Variants in ME1 observed in about 807,000 individuals in gnomAD.
ME1 encodes the protein NADP-dependent malic enzyme.
ME1 carries 74 observed loss-of-function variants against 66.4 expected under a neutral mutation model. That is an observed-to-expected ratio of 1.11 (90% CI 0.92 to 1.35). The LOEUF is 1.35. Ranked by LOEUF, ME1 falls within the 40% of genes most tolerant of loss-of-function variation. ME1 has a pLI of 0.00. For missense variants in ME1, 750 were observed against 694.1 expected (o/e 1.08, Z -0.90); for synonymous variants, 251 against 235.6 (o/e 1.07, Z -0.60).
At chr6:83,374,551 G>T (rs888566804) in intron 3 of ME1, among the ~76,000 whole-genome samples, 1 of 152,156 alleles carries the variant, frequency 6.6e-6, no homozygotes, top group Non-Finnish European at 1.5e-5. Context: ...GAGGTTGCCT[G>T]TTCATTCTGA....
intron 12 of ME1, among the ~76,000 whole-genome samples, chr6:83,220,906 A>G (rs543173546): frequency 6.6e-6 from 1 of 152,338 alleles, no homozygotes; most frequent in South Asian, 2.1e-4. Flanking sequence ...CATGCCTATA[A>G]TCCCAGCACT....
chr6:83,312,399 C>T (rs1403442541), intron 6 of ME1, among the ~76,000 whole-genome samples: 3 of 152,276 alleles, frequency 2.0e-5, no homozygotes, highest in South Asian at 2.1e-4. Context: ...TCAGAAAAGA[C>T]AGACTTGGTA....
At chr6:83,308,386 T>G (rs1767863827) in intron 6 of ME1, among the ~76,000 whole-genome samples, 1 of 151,670 alleles carries the variant, frequency 6.6e-6, no homozygotes, top group African/African-American at 2.4e-5. Flanking sequence ...TAGTTAATAA[T>G]CATTAATGAA....
chr6:83,366,453 C>A (rs1427048763), intron 3 of ME1, among the ~76,000 whole-genome samples: 1 of 151,714 alleles, frequency 6.6e-6, no homozygotes, highest in Non-Finnish European at 1.5e-5. Flanking sequence ...CTCTTGAAGT[C>A]AGGAATTTTG....
At chr6:83,401,619 C>T (rs929433146) in intron 2 of ME1, among the ~76,000 whole-genome samples, 4 of 152,308 alleles carry the variant, frequency 2.6e-5, no homozygotes, top group Non-Finnish European at 4.4e-5. Flanking sequence ...ACTGTATACA[C>T]GTCGGACAAA....
At chr6:83,220,540 A>G (rs952195571) in intron 12 of ME1, among the ~76,000 whole-genome samples, 1 of 152,246 alleles carries the variant, frequency 6.6e-6, no homozygotes, top group African/African-American at 2.4e-5. Flanking sequence ...TTCTAGTTCC[A>G]TAAGAGATTC....
At chr6:83,215,125 G>C (rs1789965657) in intron 13 of ME1, among the ~76,000 whole-genome samples, 1 of 152,048 alleles carries the variant, frequency 6.6e-6, no homozygotes, top group South Asian at 2.1e-4. Context: ...ATTATGTAAA[G>C]GTTTTTAGAG....
intron 1 of ME1, among the ~76,000 whole-genome samples, chr6:83,420,595 G>A (rs1367450916): frequency 6.6e-6 from 1 of 152,150 alleles, no homozygotes; most frequent in Non-Finnish European, 1.5e-5. Context: ...TACCCATTAA[G>A]GAAAAGAGAT....
At chr6:83,305,522 A>G (rs1302204487) in intron 6 of ME1, among the ~76,000 whole-genome samples, 2 of 152,100 alleles carry the variant, frequency 1.3e-5, no homozygotes, top group Non-Finnish European at 2.9e-5. Flanking sequence ...GGAGAAGAAT[A>G]TTTTAGACAG....
At chr6:83,300,116 A>G (rs935842741) in intron 6 of ME1, among the ~76,000 whole-genome samples, 3 of 152,150 alleles carry the variant, frequency 2.0e-5, no homozygotes, top group Non-Finnish European at 4.4e-5. Context: ...TCTAATCTTC[A>G]ATAAAGCTAA....
intron 7 of ME1, among the ~76,000 whole-genome samples, chr6:83,247,938 C>T (rs1036902895): frequency 2.0e-5 from 3 of 151,986 alleles, no homozygotes; most frequent in East Asian, 1.9e-4. Flanking sequence ...TATTTTAGGC[C>T]GAATTAGTCG....
rs1275339880 is a variant in ME1, at chr6:83,430,903, G to A, written c.52C>T (p.Leu18=). ...TTGTTGAGGTGAGGGTTCCGTGTCA[G>A]CAGGTAGCCGCGCTGATGGGTGTGG... ...RRHTHQRGYL[L]TRNPHLNKDL... is the part of the protein sequence containing the mutation. Residue 18 remains leucine, a synonymous_variant, in exon 1 of 14, where the codon CTG becomes TTG. Coordinates refer to ENST00000369705, the MANE Select transcript of ME1 (RefSeq NM_002395.6). 6.2e-7 allele frequency: 1 copy of A among 1,603,198 alleles called. No individual in the cohort carries two copies. The highest frequency in any genetic ancestry group is 1.7e-5 in the Admixed American group (1 of 59,170).
chr6:83,298,023 AC>A (rs1466535659), intron 6 of ME1, among the ~76,000 whole-genome samples: 1 of 152,172 alleles, frequency 6.6e-6, no homozygotes, highest in African/African-American at 2.4e-5. Flanking sequence ...CAATGAACAT[AC>A]GCTTGCATGT....
chr6:83,315,479 TCTTCATCTGTA>T, intron 5 of ME1, 66 bp from the exon 6 acceptor site: 1 of 935,792 alleles, frequency 1.1e-6, no homozygotes, highest in Non-Finnish European at 1.7e-6. Context: ...AGCCTCAGTT[TCTTCATCTGTA>T]TAAAAGGGAC....
chr6:83,219,983 G>C (rs764629390), intron 12 of ME1, among the ~76,000 whole-genome samples: 3 of 152,128 alleles, frequency 2.0e-5, no homozygotes, highest in Non-Finnish European at 4.4e-5. Flanking sequence ...ACAGTGTATA[G>C]ATTGTTAGCT....
chr6:83,377,682 A>G lies in ME1; in HGVS notation c.362+20685T>C, dbSNP rs187439819. ...CTAGGTTGGTAAATAATTATTTGAA[A>G]AAAAATGTATATGAAGCCTTTGGGA... is the stretch of plus-strand genomic sequence containing the variant. On this transcript the variant is annotated intron_variant, in intron 3 of 13. Coordinates refer to ENST00000369705, the MANE Select transcript of ME1 (RefSeq NM_002395.6). 2.3e-4 allele frequency among the ~76,000 whole-genome samples: 35 copies of G among 152,252 alleles called. No individual in the cohort carries two copies. The East Asian group carries it at 6.6e-3, about 29-fold the overall frequency.
chr6:83,315,636 C>T (rs1469393717), intron 5 of ME1, among the ~76,000 whole-genome samples: 5 of 152,188 alleles, frequency 3.3e-5, no homozygotes, highest in African/African-American at 4.8e-5. Flanking sequence ...CAGTGGCTCA[C>T]GCCTGTAATC....
chr6:83,413,299 A>G (rs1018156444), intron 1 of ME1, among the ~76,000 whole-genome samples: 4 of 152,230 alleles, frequency 2.6e-5, no homozygotes, highest in African/African-American at 9.6e-5. Context: ...ACACAATCAA[A>G]TTAAACAAAG....
chr6:83,274,904 T>C (rs1767148313), intron 6 of ME1, among the ~76,000 whole-genome samples: 1 of 152,058 alleles, frequency 6.6e-6, no homozygotes, highest in Non-Finnish European at 1.5e-5. Context: ...CAGTGATATT[T>C]TACAAAAATA....
Sources: allele counts gnomAD v4.1 joint callset (sites outside exome capture counted in the v4.1 genomes callset), GRCh38; gene constraint gnomAD v4.1.1; transcripts MANE v1.5; gene names NCBI Gene and HGNC (gene_info 2026-07-23, HGNC 2026-07-21).